SLC35F1: variants seen among roughly 807,000 people sequenced by gnomAD.
SLC35F1 encodes chromosome 6 open reading frame 169.
In SLC35F1, 14 loss-of-function variants were observed where a neutral mutation model predicts 48.7. The observed-to-expected ratio is 0.29, with a 90% CI of 0.19 to 0.45. The LOEUF is 0.45. SLC35F1 is among the 20% of genes least tolerant of loss of function. The pLI is 1.00. For synonymous variants in SLC35F1, 190 were observed against 202.2 expected (o/e 0.94, Z 0.51); for missense variants, 404 against 500.0 (o/e 0.81, Z 1.83).
intron 2 of SLC35F1, among the ~76,000 whole-genome samples, chr6:118,219,389 C>T (rs1582735990): frequency 6.6e-6 from 1 of 152,092 alleles, no homozygotes; most frequent in East Asian, 1.9e-4. Flanking sequence ...GAAATACACA[C>T]ATGAAACATT....
intron 1 of SLC35F1, among the ~76,000 whole-genome samples, chr6:117,915,110 T>C (rs1372235676): frequency 6.6e-6 from 1 of 152,238 alleles, no homozygotes; most frequent in Non-Finnish European, 1.5e-5. Context: ...GGGACATGTT[T>C]ATGCATTGCA....
chr6:118,280,495 A>C (rs950821677), intron 6 of SLC35F1, among the ~76,000 whole-genome samples: 2 of 152,088 alleles, frequency 1.3e-5, no homozygotes, highest in South Asian at 4.2e-4. Flanking sequence ...TTTTTCCTGG[A>C]GGCCAAAACA....
rs566827087 is a variant in SLC35F1, at chr6:118,018,026, A to T, written c.173+110127A>T. Among the ~76,000 whole-genome samples the T allele has an allele frequency of 2.6e-5, 4 of 152,314 alleles. No homozygotes were observed. In the South Asian group the frequency reaches 6.2e-4, roughly 24 times the overall value. On this transcript the variant is annotated intron_variant, in intron 1 of 7. Transcript: ENST00000360388. ...AGGACAAACTTTATTTCTAGCACTT[A>T]GTAGCTGCATAAGTTCCTCAGTTTG...
At chr6:118,102,727 T>C (rs1294982453) in intron 1 of SLC35F1, among the ~76,000 whole-genome samples, 1 of 152,226 alleles carries the variant, frequency 6.6e-6, no homozygotes, top group Non-Finnish European at 1.5e-5. Context: ...CCCTGAGTTC[T>C]CCCATTTGTA....
chr6:117,957,780 T>A (rs1776445773), intron 1 of SLC35F1, among the ~76,000 whole-genome samples: 1 of 152,252 alleles, frequency 6.6e-6, no homozygotes, highest in Non-Finnish European at 1.5e-5. Flanking sequence ...ACCTGCTGTG[T>A]TGCCAGTTGC....
intron 2 of SLC35F1, among the ~76,000 whole-genome samples, chr6:118,190,240 G>T (rs1255844041): frequency 6.6e-6 from 1 of 152,128 alleles, no homozygotes; most frequent in African/African-American, 2.4e-5. Flanking sequence ...AGGAACAAGG[G>T]TTCCTCCTTA....
At chr6:118,174,535 A>T (rs1413120779) in intron 2 of SLC35F1, among the ~76,000 whole-genome samples, 1 of 152,160 alleles carries the variant, frequency 6.6e-6, no homozygotes, top group Admixed American at 6.6e-5. Flanking sequence ...GAAAAACAGA[A>T]TGGAATATCC....
At chr6:117,943,196 A>T (rs749329964) in intron 1 of SLC35F1, among the ~76,000 whole-genome samples, 10 of 152,190 alleles carry the variant, frequency 6.6e-5, no homozygotes, top group African/African-American at 9.6e-5. Flanking sequence ...TCTCTAACCG[A>T]ATTGTTTGGT....
chr6:118,295,799 T>C (rs931474067), intron 7 of SLC35F1, among the ~76,000 whole-genome samples: 2 of 152,214 alleles, frequency 1.3e-5, no homozygotes, highest in African/African-American at 4.8e-5. Context: ...TAGCCTTTTA[T>C]GACTTTACAA....
intron 3 of SLC35F1, among the ~76,000 whole-genome samples, chr6:118,236,423 A>G (rs141908960): frequency 4.7e-4 from 71 of 152,358 alleles, no homozygotes; most frequent in African/African-American, 1.6e-3. Context: ...AAAACACAAA[A>G]CAAAACATTG....
intron 1 of SLC35F1, among the ~76,000 whole-genome samples, chr6:118,106,323 G>A (rs1363860294): frequency 6.6e-6 from 1 of 152,064 alleles, no homozygotes; most frequent in Non-Finnish European, 1.5e-5. Flanking sequence ...CTCCTCAACT[G>A]CAAGAGAATT....
chr6:118,175,233 A>G (rs1451853041), intron 2 of SLC35F1, among the ~76,000 whole-genome samples: 29 of 152,160 alleles, frequency 1.9e-4, no homozygotes, highest in Admixed American at 1.9e-3. Context: ...TCAATTTTCC[A>G]CTTCCTACAG....
intron 1 of SLC35F1, among the ~76,000 whole-genome samples, chr6:118,031,657 T>C (rs1260950262): frequency 1.3e-5 from 2 of 152,228 alleles, no homozygotes; most frequent in Non-Finnish European, 2.9e-5. Context: ...GCGACAGTGT[T>C]ACTGCTCCAT....
chr6:118,002,439 T>C (rs557382842), intron 1 of SLC35F1, among the ~76,000 whole-genome samples: 2 of 143,598 alleles, frequency 1.4e-5, no homozygotes, highest in East Asian at 4.2e-4. Flanking sequence ...CGTCAAACTC[T>C]GGGGATTGTT....
intron 1 of SLC35F1, among the ~76,000 whole-genome samples, chr6:117,932,825 G>GCA (rs1776119173): frequency 6.6e-6 from 1 of 152,094 alleles, no homozygotes; most frequent in Non-Finnish European, 1.5e-5. Context: ...CAAGAGACAT[G>GCA]CACACATATT....
intron 1 of SLC35F1, among the ~76,000 whole-genome samples, chr6:118,050,906 T>C (rs1191181219): frequency 6.6e-6 from 1 of 152,136 alleles, no homozygotes; most frequent in African/African-American, 2.4e-5. Flanking sequence ...GGGCTCCTGG[T>C]AGCTGTAGGG....
At chr6:118,270,183 C>T (rs1775833125) in intron 4 of SLC35F1, among the ~76,000 whole-genome samples, 1 of 152,138 alleles carries the variant, frequency 6.6e-6, no homozygotes, top group African/African-American at 2.4e-5. Context: ...GATGTCGGCC[C>T]TTTCAAAGTT....
intron 7 of SLC35F1, among the ~76,000 whole-genome samples, chr6:118,291,874 T>C (rs1776128054): frequency 1.3e-5 from 2 of 152,268 alleles, no homozygotes; most frequent in East Asian, 1.9e-4. Flanking sequence ...TCCCAGCATT[T>C]TGGGAGGCTG....
At chr6:118,112,082 C>CTTTATTTTCTTTTCT (rs1169093414) in intron 1 of SLC35F1, among the ~76,000 whole-genome samples, 40 of 131,806 alleles carry the variant, frequency 3.0e-4, no homozygotes, top group African/African-American at 1.1e-3. Flanking sequence ...TTCTTTATTT[C>CTTTATTTTCTTTTCT]TTTCTTTTCT....
Sources: allele counts gnomAD v4.1 joint callset (sites outside exome capture counted in the v4.1 genomes callset), GRCh38; gene constraint gnomAD v4.1.1; transcripts MANE v1.5; gene names NCBI Gene and HGNC (gene_info 2026-07-23, HGNC 2026-07-21).